HECW1: variants seen among roughly 807,000 people sequenced by gnomAD.
HECW1 encodes the protein HECT, C2 and WW domain containing E3 ubiquitin protein ligase 1.
HECW1 carries 61 observed loss-of-function variants against 182.3 expected under a neutral mutation model. The ratio of observed to expected loss-of-function variants is 0.33; its 90% CI spans 0.27 to 0.41. HECW1 has a LOEUF of 0.41. HECW1 is among the 10% of genes least tolerant of loss of function. HECW1 has a pLI of 1.00. For missense variants in HECW1, 1,739 were observed against 2,108.9 expected (o/e 0.82, Z 3.44); for synonymous variants, 859 against 832.6 (o/e 1.03, Z -0.55).
At chr7:43,332,640 C>T (rs760338005) in intron 5 of HECW1, among the ~76,000 whole-genome samples, 24 of 152,172 alleles carry the variant, frequency 1.6e-4, no homozygotes, top group Non-Finnish European at 3.1e-4. Flanking sequence ...GGAGCAAAGG[C>T]GGCTGCGGTC....
chr7:43,356,046 T>C (rs1815091220), intron 5 of HECW1, among the ~76,000 whole-genome samples: 1 of 151,990 alleles, frequency 6.6e-6, no homozygotes, highest in African/African-American at 2.4e-5. Flanking sequence ...CAGTAATCAG[T>C]CCTTACTTAT....
intron 9 of HECW1, chr7:43,440,350 C>T (rs1007565623): frequency 2.6e-5 from 4 of 152,362 alleles, no homozygotes; most frequent in African/African-American, 9.7e-5. Flanking sequence ...ATTTCCAATC[C>T]TCCTTCGATT....
chr7:43,511,981 G>A (rs1362727860), intron 24 of HECW1: 1 of 205,164 alleles, frequency 4.9e-6, no homozygotes, highest in Non-Finnish European at 1.0e-5. Flanking sequence ...AGAATCCTGA[G>A]TCCTCAAATC....
chr7:43,465,131 A>T (rs2077720644), intron 14 of HECW1, among the ~76,000 whole-genome samples: 1 of 152,172 alleles, frequency 6.6e-6, no homozygotes, highest in Non-Finnish European at 1.5e-5. Flanking sequence ...CAAACTTCTG[A>T]GAGAGACATG....
chr7:43,141,578 C>T (rs377322294), intron 2 of HECW1, among the ~76,000 whole-genome samples: 6 of 151,982 alleles, frequency 3.9e-5, no homozygotes, highest in Admixed American at 2.6e-4. Context: ...CAGCTCACCG[C>T]GCCTCCGCCT....
chr7:43,377,007 A>G (rs2074358949), intron 6 of HECW1, among the ~76,000 whole-genome samples: 1 of 152,146 alleles, frequency 6.6e-6, no homozygotes, highest in Non-Finnish European at 1.5e-5. Context: ...ATAAATTCTT[A>G]CTTCCCAAGG....
intron 3 of HECW1, among the ~76,000 whole-genome samples, chr7:43,307,207 T>A (rs1807690621): frequency 6.6e-6 from 1 of 152,196 alleles, no homozygotes; most frequent in Admixed American, 6.5e-5. Context: ...AATCTATGCT[T>A]GACATAGCCC....
chr7:43,333,452 T>A (rs1408689982), intron 5 of HECW1, among the ~76,000 whole-genome samples: 1 of 152,360 alleles, frequency 6.6e-6, no homozygotes, highest in Non-Finnish European at 1.5e-5. Context: ...TCCATTTGTA[T>A]ATGCATTTAT....
chr7:43,135,079 C>T (rs780502823), intron 2 of HECW1, among the ~76,000 whole-genome samples: 16 of 152,036 alleles, frequency 1.1e-4, no homozygotes, highest in Admixed American at 6.6e-4. Flanking sequence ...GTATTTATCT[C>T]GGGGATGTTG....
At chr7:43,388,231 A>G (rs1389651260) in intron 6 of HECW1, among the ~76,000 whole-genome samples, 1 of 152,228 alleles carries the variant, frequency 6.6e-6, no homozygotes, top group Non-Finnish European at 1.5e-5. Flanking sequence ...GGAATTCAAC[A>G]TGCATTCCTG....
intron 24 of HECW1, among the ~76,000 whole-genome samples, chr7:43,513,762 G>A (rs2079995072): frequency 6.6e-6 from 1 of 151,790 alleles, no homozygotes; most frequent in Non-Finnish European, 1.5e-5. Flanking sequence ...GAGACTTTCT[G>A]CAATTGCTGT....
intron 3 of HECW1, among the ~76,000 whole-genome samples, chr7:43,284,353 G>A (rs1444424741): frequency 6.6e-6 from 1 of 151,448 alleles, no homozygotes; most frequent in Non-Finnish European, 1.5e-5. Flanking sequence ...TTATTTTTTT[G>A]TGGCGAGAGC....
At chr7:43,426,392 C>T (rs2076364531) in intron 8 of HECW1, among the ~76,000 whole-genome samples, 1 of 152,122 alleles carries the variant, frequency 6.6e-6, no homozygotes. Context: ...AAAAGTCTTG[C>T]ACACCCTCCT....
At chr7:43,306,933 A>C (rs1215251177) in intron 3 of HECW1, among the ~76,000 whole-genome samples, 1 of 152,202 alleles carries the variant, frequency 6.6e-6, no homozygotes, top group African/African-American at 2.4e-5. Context: ...CACAAGGCCT[A>C]TTCCAAGATT....
chr7:43,482,285 A>G (rs2078466832), intron 17 of HECW1, among the ~76,000 whole-genome samples: 1 of 152,192 alleles, frequency 6.6e-6, no homozygotes, highest in Non-Finnish European at 1.5e-5. Context: ...CCACTGCAAG[A>G]GCCCTCAGCC....
intron 2 of HECW1, among the ~76,000 whole-genome samples, chr7:43,144,965 T>C (rs1357322050): frequency 1.3e-5 from 2 of 152,214 alleles, no homozygotes; most frequent in African/African-American, 4.8e-5. Context: ...GACAAATCAG[T>C]GGATAATTAT....
intron 3 of HECW1, among the ~76,000 whole-genome samples, chr7:43,279,453 G>T (rs146824545): frequency 9.8e-4 from 149 of 152,170 alleles, no homozygotes; most frequent in African/African-American, 3.6e-3. Context: ...AAATCCTCTC[G>T]GTGAGCTGCA....
rs191580199 is a variant in HECW1 at position 43,469,021 on chromosome 7, C to G, written c.3015C>G (p.Asp1005Glu). The G allele has an allele frequency of 2.5e-3, 4,035 of 1,614,208 alleles. 5 individuals are homozygous for G. The highest frequency in any genetic ancestry group is 3.0e-3 in the Non-Finnish European group (3,549 of 1,180,052). Residue 1005 changes from aspartate (D) to glutamate (E), a missense_variant, in exon 16 of 30, where the codon GAC becomes GAG. By Grantham distance (45) the Asp-to-Glu change is conservative. Transcript: ENST00000395891. ...TTGAACGCTACCAGCACAACCGGGACTTGGTGAATTTCATCAACATGTTCG... is the reference window on the plus strand; with the variant it reads ...TTGAACGCTACCAGCACAACCGGGAGTTGGTGAATTTCATCAACATGTTCG... ...RNFERYQHNR[D>E]LVNFINMFAD...
chr7:43,264,578 G>A (rs976036789), intron 3 of HECW1, among the ~76,000 whole-genome samples: 1 of 152,060 alleles, frequency 6.6e-6, no homozygotes, highest in Admixed American at 6.5e-5. Flanking sequence ...AGGCGCGGTG[G>A]CTCACGCCTG....
Sources: gnomAD v4.1 joint callset for allele counts (sites outside exome capture counted in the v4.1 genomes callset) on GRCh38, gnomAD v4.1.1 for gene constraint, MANE v1.5 for transcripts, NCBI Gene and HGNC (gene_info 2026-07-23, HGNC 2026-07-21) for gene names.